Variants in VWA5B1 observed in about 807,000 individuals in gnomAD.
VWA5B1 encodes von Willebrand factor A domain containing 5B1, also known as von Willebrand factor A domain-containing protein 5B1.
VWA5B1 carries 115 observed loss-of-function variants against 118.2 expected under a neutral mutation model. The ratio of observed to expected loss-of-function variants is 0.97; its 90% confidence interval spans 0.84 to 1.14. The LOEUF is 1.14. Ranked by LOEUF, VWA5B1 falls within the 50% of genes most tolerant of loss-of-function variation. The probability of loss-of-function intolerance (pLI) is 0.00; values close to 1 mark genes in which losing one functional copy is unlikely to be tolerated. For missense variants in VWA5B1, 1,596 were observed against 1,603.8 expected (o/e 1.00, Z 0.08); for synonymous variants, 682 against 658.4 (o/e 1.04, Z -0.55).
In VWA5B1 at chr1:20,355,716, G is replaced by A. The variant is rs1252332335; in HGVS notation, c.*1453G>A. ...GGGTGTGCAGCCTCCAGCAGGGGCT[G>A]GAGTCAGGGAGGAGGCTCCAGCAGA... On this transcript the variant is annotated 3_prime_UTR_variant, in exon 22 of 22. Coordinates refer to ENST00000289815, the MANE Select transcript of VWA5B1 (RefSeq NM_001039500.3). Among the ~76,000 whole-genome samples the A allele has an allele frequency of 2.0e-5, 3 of 152,238 alleles. No individual in the cohort carries two copies. The highest frequency in any genetic ancestry group is 4.4e-5 in the Non-Finnish European group (3 of 68,040).
intron 2 of VWA5B1, among the ~76,000 whole-genome samples, chr1:20,311,228 C>T (rs538298306): frequency 6.6e-6 from 1 of 152,344 alleles, no homozygotes; most frequent in East Asian, 1.9e-4. Flanking sequence ...CCACCTCGGC[C>T]TCCCGAAGTA....
intron 1 of VWA5B1, among the ~76,000 whole-genome samples, chr1:20,300,839 C>A (rs1043559139): frequency 2.0e-5 from 3 of 152,230 alleles, no homozygotes; most frequent in African/African-American, 7.2e-5. Flanking sequence ...TAAGACCCCA[C>A]CAATCTTTAC....
chr1:20,343,318 T>G lies in VWA5B1; in HGVS notation c.2551T>G (p.Phe851Val). Residue 851 changes from phenylalanine (F) to valine (V), a missense_variant, in exon 16 of 22, where the codon TTC becomes GTC. By Grantham distance (50) the Phe-to-Val change is conservative (BLOSUM62 -1). Coordinates refer to ENST00000289815, the MANE Select transcript of VWA5B1 (RefSeq NM_001039500.3). ...AQDADLWSET[F>V]HHLAARAIIR... ...GGATGCCGACCTATGGAGCGAGACC[T>G]TCCACCACCTGGCGGCCCGCGCCAT... 1.3e-6 allele frequency: 2 copies of G among 1,545,028 alleles called. No homozygotes were observed. Among genetic ancestry groups the G allele is most frequent in the Non-Finnish European group, 1.7e-6 (2 of 1,145,840 alleles).
At position 20,331,131 on chromosome 1, in the gene VWA5B1, A is replaced by G. The variant is rs994391233; in HGVS notation, c.1572+148A>G. ...CACTGCATCCCAATGAGAACCAGAG[A>G]CTTGCAAGCCACAGAGCAGGCAACT... On this transcript the variant is annotated intron_variant, in intron 11 of 21. Coordinates refer to ENST00000289815, the MANE Select transcript of VWA5B1 (RefSeq NM_001039500.3). 16 of 684,072 alleles carry G rather than the reference A, an allele frequency of 2.3e-5. No homozygotes were observed. In the African/African-American group the frequency reaches 2.9e-4, roughly 12 times the overall value. 42.4% of individuals were successfully genotyped at this position (684,072 alleles called of 1,614,324 possible). A position where few individuals can be genotyped will look rare whatever the true frequency, so the allele number is the denominator to read the frequency against.
chr1:20,343,025 T>A (rs10916771), intron 15 of VWA5B1, 54 bp from the exon 16 acceptor site: 25 of 1,464,786 alleles, frequency 1.7e-5, no homozygotes, highest in Non-Finnish European at 2.3e-5. Context: ...CCCCTGGGAG[T>A]TGGCCGTCTG....
chr1:20,328,966 G>A (rs1353130108), intron 9 of VWA5B1, among the ~76,000 whole-genome samples: 2 of 152,162 alleles, frequency 1.3e-5, no homozygotes, highest in Non-Finnish European at 2.9e-5. Flanking sequence ...CTTCCATACT[G>A]TTCTGTAACC....
intron 7 of VWA5B1, 100 bp downstream of exon 7, chr1:20,319,606 A>G (rs1462266208): frequency 1.3e-6 from 2 of 1,482,220 alleles, no homozygotes; most frequent in African/African-American, 1.4e-5. Context: ...AACCTGCCCG[A>G]GGTCATCCAG....
At chr1:20,343,441 C>T in intron 16 of VWA5B1, 48 bp downstream of exon 16, 1 of 1,464,698 alleles carries the variant, frequency 6.8e-7, no homozygotes, top group Non-Finnish European at 9.0e-7. Context: ...CTCCGGAGGA[C>T]AGCCCCGCTC....
intron 6 of VWA5B1, 44 bp downstream of exon 6, chr1:20,318,765 A>G (rs2089111392): frequency 6.9e-7 from 1 of 1,444,710 alleles, no homozygotes. Context: ...TGTGGGAGGG[A>G]GGAGGTGCTG....
In VWA5B1 at chr1:20,343,271, G is replaced by C; in HGVS notation, c.2504G>C (p.Gly835Ala). 1 of 1,548,372 alleles carries C rather than the reference G, an allele frequency of 6.5e-7. No homozygotes were observed. The change falls in exon 16 of 22, where the codon GGA becomes GCA. Residue 835 changes from glycine to alanine, a missense_variant. Coordinates refer to ENST00000289815, the MANE Select transcript of VWA5B1 (RefSeq NM_001039500.3). ...GTGAGCTTCGAGCTGGGGACCCCTG[G>C]ACCGGAGCGGGGCGGCGCGCAGGAT... ...WEVSFELGTP[G>A]PERGGAQDAD...
chr1:20,343,923 C>A (rs183906979), intron 16 of VWA5B1, among the ~76,000 whole-genome samples: 1 of 126,860 alleles, frequency 7.9e-6, no homozygotes, highest in Non-Finnish European at 1.7e-5. Flanking sequence ...TCCCTACCCC[C>A]ACTCCAGGAT....
chr1:20,323,306 A>G (rs1351135963), intron 7 of VWA5B1, 50 bp from the exon 8 acceptor site: 5 of 1,393,210 alleles, frequency 3.6e-6, no homozygotes, highest in Non-Finnish European at 4.7e-6. Context: ...AGTCCCCAGG[A>G]GTACCTCTTG....
At position 20,343,271 on chromosome 1, in the gene VWA5B1, G is replaced by A. The variant is rs1364721830; in HGVS notation, c.2504G>A (p.Gly835Glu). Residue 835 changes from glycine to glutamate, a missense_variant, in exon 16 of 22, where the codon GGA becomes GAA. Gly to Glu is a moderately conservative substitution (Grantham distance 98). Coordinates refer to ENST00000289815, the MANE Select transcript of VWA5B1 (RefSeq NM_001039500.3). ...WEVSFELGTP[G>E]PERGGAQDAD... ...GTGAGCTTCGAGCTGGGGACCCCTGGACCGGAGCGGGGCGGCGCGCAGGAT... is the reference window on the plus strand; with the variant it reads ...GTGAGCTTCGAGCTGGGGACCCCTGAACCGGAGCGGGGCGGCGCGCAGGAT... The A allele has an allele frequency of 1.9e-6, 3 of 1,548,372 alleles. No individual in the cohort carries two copies. In the South Asian group the frequency reaches 3.6e-5, roughly 18 times the overall value.
chr1:20,297,068 G>A (rs993341063), intron 1 of VWA5B1, among the ~76,000 whole-genome samples: 1 of 152,166 alleles, frequency 6.6e-6, no homozygotes, highest in African/African-American at 2.4e-5. Context: ...TACAATTGTT[G>A]ACAAAATATA....
intron 4 of VWA5B1, among the ~76,000 whole-genome samples, chr1:20,317,034 T>C (rs936276382): frequency 7.3e-5 from 11 of 151,428 alleles, no homozygotes; most frequent in Non-Finnish European, 1.6e-4. Context: ...CGGGCACCTG[T>C]AGTCCCAGCT....
At chr1:20,347,907 A>T (rs2090041759) in intron 17 of VWA5B1, among the ~76,000 whole-genome samples, 1 of 152,178 alleles carries the variant, frequency 6.6e-6, no homozygotes, top group East Asian at 1.9e-4. Context: ...TTCCTGAAAA[A>T]ACTGGCCTTT....
Position 20,310,652 on chromosome 1 carries a change from G to A in VWA5B1, c.51G>A (p.Ala17=), listed in dbSNP as rs557091070. 1.3e-5 allele frequency: 20 copies of A among 1,550,902 alleles called. No individual in the cohort carries two copies. Among genetic ancestry groups the A allele is most frequent in the Admixed American group, 3.9e-5 (2 of 50,810 alleles). ...CGGGGGCAGCCCTGCCCCTCACCGC[G>A]TCTGATGTTACCTCCTGTGTCAGCG... The part of the protein sequence containing the change: ...WITGAALPLT[A]SDVTSCVSGY... The change falls in exon 2 of 22, where the codon GCG becomes GCA. Residue 17 remains alanine (A), a synonymous_variant. Transcript: ENST00000289815.
rs185680663 is a variant in VWA5B1, at chr1:20,292,927, G to T, written c.-27+1839G>T. ...GGCTCCTGACCTGGAAATGGCTCAG[G>T]CTCTGAGCAGCCTCCTCAGCTTCAG... On this transcript the variant is annotated intron_variant, in intron 1 of 21. Transcript: ENST00000289815. Among the ~76,000 whole-genome samples the T allele has an allele frequency of 2.0e-5, 3 of 152,354 alleles. No homozygotes were observed. In the East Asian group the frequency reaches 5.8e-4, roughly 29 times the overall value.
At position 20,340,199 on chromosome 1, in the gene VWA5B1, GCACACACA is replaced by G. The variant is rs142332871; in HGVS notation, c.2134-2219_2134-2212del. ...ACACGCAACACACTTATATGTGCGCGCACACACACACACACACACACTCCATGCACCCT... is the reference window on the plus strand; with the variant it reads ...ACACGCAACACACTTATATGTGCGCGCACACACACACACTCCATGCACCCT... On this transcript the variant is annotated intron_variant, in intron 14 of 21. Coordinates refer to ENST00000289815, the MANE Select transcript of VWA5B1 (RefSeq NM_001039500.3). Among the ~76,000 whole-genome samples, 227 of 148,772 alleles carry G rather than the reference GCACACACA, an allele frequency of 1.5e-3. 5 individuals carry two copies. Among genetic ancestry groups the G allele is most frequent in the Admixed American group, 0.012 (180 of 14,894 alleles).
Sources: allele counts gnomAD v4.1 joint callset (sites outside exome capture counted in the v4.1 genomes callset), GRCh38; gene constraint gnomAD v4.1.1; transcripts MANE v1.5; gene names NCBI Gene and HGNC (gene_info 2026-07-23, HGNC 2026-07-21).